Variants in TPGS1 observed in about 807,000 individuals in gnomAD.
TPGS1 encodes gene trap ROSA b-geo 22.
A neutral mutation model predicts 11.9 loss-of-function variants in TPGS1; 18 were observed. The observed-to-expected ratio is 1.51, with a 90% CI of 1.04 to 2.24. TPGS1 has a LOEUF of 2.24. TPGS1 is among the 30% of genes most tolerant of loss of function. TPGS1 has a pLI of 0.00. For missense variants in TPGS1, 500 were observed against 443.0 expected (o/e 1.13, Z -1.16); for synonymous variants, 247 against 218.2 (o/e 1.13, Z -1.16).
chr19:515,702 C>A (rs371527401), intron 1 of TPGS1, among the ~76,000 whole-genome samples: 1 of 150,744 alleles, frequency 6.6e-6, no homozygotes, highest in African/African-American at 2.4e-5. Context: ...TGTGCCACTG[C>A]ACTCCAGCCT....
At chr19:512,479 G>A (rs1416419253) in intron 1 of TPGS1, among the ~76,000 whole-genome samples, 1 of 152,148 alleles carries the variant, frequency 6.6e-6, no homozygotes, top group Non-Finnish European at 1.5e-5. Context: ...CCCACCAAGG[G>A]CTTGTCTGAT....
intron 1 of TPGS1, among the ~76,000 whole-genome samples, chr19:516,977 C>T (rs1490957503): frequency 1.3e-5 from 2 of 151,716 alleles, no homozygotes; most frequent in Admixed American, 1.3e-4. Flanking sequence ...CTAATTCCTT[C>T]TTCACTGGGG....
Position 519,391 on chromosome 19 carries a change from C to G in TPGS1, c.841C>G (p.Leu281Val), listed in dbSNP as rs1600406595. The change falls in exon 2 of 2, where the codon CTC becomes GTC. Residue 281 changes from leucine to valine, a missense_variant. Physicochemically the swap from Leu to Val is conservative, Grantham distance 32 (BLOSUM62 1). Coordinates refer to ENST00000359315, the MANE Select transcript of TPGS1 (RefSeq NM_033513.3). ...REEFLERAAALFIAKVKPVG is the reference protein window; with the variant it reads ...REEFLERAAAVFIAKVKPVG ...GGAGTTTCTGGAGAGGGCCGCCGCGCTCTTCATCGCGAAGGTCAAGCCGGT... is the reference window on the plus strand; with the variant it reads ...GGAGTTTCTGGAGAGGGCCGCCGCGGTCTTCATCGCGAAGGTCAAGCCGGT... 1 of 1,228,134 alleles carries G rather than the reference C, an allele frequency of 8.1e-7. No individual in the cohort carries two copies. Among genetic ancestry groups the G allele is most frequent in the Non-Finnish European group, 1.0e-6 (1 of 984,652 alleles). The allele number at this position is 1,228,134 out of a possible 1,614,324, so 76.1% of individuals were successfully genotyped here.
At chr19:510,965 G>A (rs1181464959) in intron 1 of TPGS1, among the ~76,000 whole-genome samples, 4 of 152,248 alleles carry the variant, frequency 2.6e-5, no homozygotes, top group Admixed American at 1.3e-4. Flanking sequence ...ACCGCCCGGC[G>A]TCTGCTGGGG....
intron 1 of TPGS1, 122 bp from the exon 2 acceptor site, chr19:518,767 G>T: frequency 9.2e-7 from 1 of 1,087,600 alleles, no homozygotes; most frequent in Non-Finnish European, 1.2e-6. Flanking sequence ...GGTAGGAGGA[G>T]AGGGGAGGCC....
At chr19:510,164 G>A (rs1158696710) in intron 1 of TPGS1, 2 of 152,156 alleles carry the variant, frequency 1.3e-5, no homozygotes, top group East Asian at 3.9e-4. Flanking sequence ...ACAAGGTCAG[G>A]AGATCGAGAC....
chr19:516,293 A>G (rs1055647368), intron 1 of TPGS1, among the ~76,000 whole-genome samples: 4 of 152,188 alleles, frequency 2.6e-5, no homozygotes, highest in Non-Finnish European at 5.9e-5. Context: ...CCTATTTTTA[A>G]ACATCGTAAG....
intron 1 of TPGS1, among the ~76,000 whole-genome samples, chr19:511,452 C>T (rs941088125): frequency 6.6e-6 from 1 of 152,254 alleles, no homozygotes; most frequent in Admixed American, 6.5e-5. Flanking sequence ...AATTACAGCC[C>T]AAAATAAGCA....
chr19:508,191 C>A (rs963828464), intron 1 of TPGS1: 2 of 227,808 alleles, frequency 8.8e-6, no homozygotes, highest in Non-Finnish European at 1.7e-5. Flanking sequence ...GCCCCCGAGC[C>A]AGGTCCTCCT....
intron 1 of TPGS1, among the ~76,000 whole-genome samples, chr19:517,223 A>AGGT: frequency 6.7e-6 from 1 of 149,296 alleles, no homozygotes; most frequent in Non-Finnish European, 1.5e-5. Flanking sequence ...AGGGGAGGCG[A>AGGT]CATTTGAGGA....
chr19:512,742 G>T (rs546273693), intron 1 of TPGS1, among the ~76,000 whole-genome samples: 156 of 152,376 alleles, frequency 1.0e-3, no homozygotes, highest in African/African-American at 3.5e-3. Context: ...TTCACGGCCT[G>T]GTGCCGTCCC....
chr19:519,528 C>T lies in TPGS1; in HGVS notation c.*105C>T. 9.4e-7 allele frequency: 1 copy of T among 1,062,296 alleles called. No individual in the cohort carries two copies. Among genetic ancestry groups the T allele is most frequent in the Non-Finnish European group, 1.2e-6 (1 of 854,990 alleles). 65.8% of individuals were successfully genotyped at this position (1,062,296 alleles called of 1,614,324 possible). ...GGTGAGGCCCTGCCATAACCAGGCG[C>T]CCAGCCCTGCGGAGGAGGCCGGGGC... is the stretch of plus-strand genomic sequence containing the variant. On this transcript the variant is annotated 3_prime_UTR_variant, in exon 2 of 2. Coordinates refer to ENST00000359315, the MANE Select transcript of TPGS1 (RefSeq NM_033513.3).
intron 1 of TPGS1, among the ~76,000 whole-genome samples, chr19:515,097 T>C (rs1287615185): frequency 1.3e-5 from 2 of 152,174 alleles, no homozygotes; most frequent in African/African-American, 4.8e-5. Context: ...GCTCTACGGT[T>C]CTGGTCGGAA....
In TPGS1 at chr19:511,816, T is replaced by G. The variant is rs908376873; in HGVS notation, c.338+3972T>G. ...AGGAACCAACAACCCCAAACCTCAG[T>G]GGCTTCAACACAAGCAAAACTCTTC... On this transcript the variant is annotated intron_variant, in intron 1 of 1. Transcript: ENST00000359315. Among the ~76,000 whole-genome samples the G allele has an allele frequency of 5.9e-5, 9 of 152,196 alleles. 1 individual carries two copies. The highest frequency in any genetic ancestry group is 1.2e-4 in the Non-Finnish European group (8 of 68,044).
Position 507,705 on chromosome 19 carries a change from C to A in TPGS1, c.199C>A (p.Leu67Met). 1 of 1,397,670 alleles carries A rather than the reference C, an allele frequency of 7.2e-7. No homozygotes were observed. Among genetic ancestry groups the A allele is most frequent in the Non-Finnish European group, 9.4e-7 (1 of 1,069,040 alleles). 86.6% of individuals were successfully genotyped at this position (1,397,670 alleles called of 1,614,324 possible). The change falls in exon 1 of 2, where the codon CTG becomes ATG. Residue 67 changes from leucine to methionine, a missense_variant. Physicochemically the swap from Leu to Met is conservative, Grantham distance 15. Transcript: ENST00000359315. The stretch of plus-strand genomic sequence containing the variant: ...GCGGCCCGAGGAGCCGATCGCCTTC[C>A]TGGCTCACTACTTCGAGAACATGGG... ...EARPEEPIAF[L>M]AHYFENMGLR... is the part of the protein sequence containing the mutation.
chr19:515,411 A>AG lies in TPGS1; in HGVS notation c.339-3478_339-3477insG, dbSNP rs1172924516. 8.6e-5 allele frequency among the ~76,000 whole-genome samples: 13 copies of AG among 151,644 alleles called. No individual in the cohort carries two copies. In the East Asian group the frequency reaches 1.4e-3, roughly 16 times the overall value. Reference sequence around the variant, plus strand: ...GTGAGACCCTGTCTCAAAAAAAAAAAAAAAAGAAAAAATGCAATGTCAGCT... The same window carrying AG: ...GTGAGACCCTGTCTCAAAAAAAAAAAGAAAAAGAAAAAATGCAATGTCAGCT... On this transcript the variant is annotated intron_variant, in intron 1 of 1. Transcript: ENST00000359315.
At chr19:518,776 C>G in intron 1 of TPGS1, 113 bp from the exon 2 acceptor site, 1 of 1,174,438 alleles carries the variant, frequency 8.5e-7, no homozygotes, top group Non-Finnish European at 1.1e-6. Flanking sequence ...AGAGGGGAGG[C>G]CAGGGCTGGC....
chr19:519,157 C>A lies in TPGS1; in HGVS notation c.607C>A (p.Gln203Lys). ...CGTGGCGCGCGCCGGCGCGCTCTTC[C>A]AGCTGCTGGAGGACTCGGCCGCCGC... Reference protein sequence around the residue: ...EFVARAGALFQLLEDSAAAVA... With the variant: ...EFVARAGALFKLLEDSAAAVA... Residue 203 changes from glutamine (Q) to lysine (K), a missense_variant, in exon 2 of 2, where the codon CAG becomes AAG. Gln to Lys is a moderately conservative substitution (Grantham distance 53). Transcript: ENST00000359315. The A allele has an allele frequency of 6.6e-7, 1 of 1,510,772 alleles. No individual in the cohort carries two copies. The highest frequency in any genetic ancestry group is 1.2e-5 in the South Asian group (1 of 81,168). The allele number at this position is 1,510,772 out of a possible 1,614,324, so 93.6% of individuals were successfully genotyped here.
chr19:518,388 G>A (rs1329613794), intron 1 of TPGS1, among the ~76,000 whole-genome samples: 1 of 113,684 alleles, frequency 8.8e-6, no homozygotes, highest in Non-Finnish European at 1.9e-5. Flanking sequence ...GCTGGGAAGA[G>A]GGAGGCCCGG....
Sources: gnomAD v4.1 joint callset for allele counts (sites outside exome capture counted in the v4.1 genomes callset) on GRCh38, gnomAD v4.1.1 for gene constraint, MANE v1.5 for transcripts, NCBI Gene and HGNC (gene_info 2026-07-23, HGNC 2026-07-21) for gene names.